KANSL1: variants seen among roughly 807,000 people sequenced by gnomAD.
KANSL1 encodes the protein KAT8 regulatory NSL complex subunit 1, also known as MLL1/MLL complex subunit KANSL1.
KANSL1 carries 22 observed loss-of-function variants against 103.6 expected under a neutral mutation model. The ratio of observed to expected loss-of-function variants is 0.21; its 90% CI spans 0.15 to 0.30. The LOEUF (loss-of-function observed/expected upper bound fraction) is 0.30, where lower values mean the gene tolerates loss of function less well. KANSL1 is among the 10% of genes least tolerant of loss of function. KANSL1 has a pLI of 1.00. For synonymous variants in KANSL1, 600 were observed against 527.6 expected (o/e 1.14, Z -1.88); for missense variants, 1,337 against 1,399.8 (o/e 0.96, Z 0.72).
intron 2 of KANSL1, among the ~76,000 whole-genome samples, chr17:46,147,510 G>A (rs1242874710): frequency 4.0e-5 from 6 of 151,376 alleles, no homozygotes; most frequent in African/African-American, 1.2e-4. Flanking sequence ...GGAGGCAGAG[G>A]GTGTAGTGGG....
chr17:46,133,865 T>G (rs1211028484), intron 2 of KANSL1, among the ~76,000 whole-genome samples: 1 of 152,216 alleles, frequency 6.6e-6, no homozygotes, highest in Non-Finnish European at 1.5e-5. Context: ...GGATATCAAT[T>G]ATCAATTATT....
intron 2 of KANSL1, among the ~76,000 whole-genome samples, chr17:46,125,495 A>C (rs1455293352): frequency 6.6e-6 from 1 of 152,200 alleles, no homozygotes; most frequent in Non-Finnish European, 1.5e-5. Context: ...TCATACAAAT[A>C]AAGGCACTCC....
rs529236624 is a variant in KANSL1 at position 46,160,981 on chromosome 17, T to C, written c.1289+9874A>G. ...AAAATTAAAATTATCTATCTCATTG[T>C]ACTGTTGGAGGATTACATAAATTAA... is the stretch of plus-strand genomic sequence containing the variant. On this transcript the variant is annotated intron_variant, in intron 2 of 14. Coordinates refer to ENST00000432791, the MANE Select transcript of KANSL1 (RefSeq NM_015443.4). 5.9e-5 allele frequency among the ~76,000 whole-genome samples: 9 copies of C among 152,350 alleles called. No homozygotes were observed. The South Asian group carries it at 1.9e-3, about 32-fold the overall frequency.
intron 1 of KANSL1, among the ~76,000 whole-genome samples, chr17:46,183,564 AGGAGAG>A: frequency 9.2e-6 from 1 of 109,154 alleles, no homozygotes; most frequent in South Asian, 2.5e-4. Flanking sequence ...AGGAGAGGGG[AGGAGAG>A]AGGAGAGAGG....
intron 2 of KANSL1, among the ~76,000 whole-genome samples, chr17:46,166,680 A>G (rs2046018485): frequency 6.6e-6 from 1 of 152,222 alleles, no homozygotes; most frequent in South Asian, 2.1e-4. Context: ...AGGTTAGCAT[A>G]AATTCAACCA....
intron 1 of KANSL1, among the ~76,000 whole-genome samples, chr17:46,177,115 TC>T (rs1279015698): frequency 6.6e-6 from 1 of 152,226 alleles, no homozygotes; most frequent in Non-Finnish European, 1.5e-5. Flanking sequence ...TGGCTCCACC[TC>T]CTGTAGGTTA....
chr17:46,191,856 T>C (rs1035298205), intron 1 of KANSL1, among the ~76,000 whole-genome samples: 1 of 152,120 alleles, frequency 6.6e-6, no homozygotes, highest in Non-Finnish European at 1.5e-5. Flanking sequence ...GAAGAGAGAT[T>C]TCTCGGAACT....
chr17:46,105,189 T>C (rs1235086528), intron 2 of KANSL1, among the ~76,000 whole-genome samples: 1 of 152,254 alleles, frequency 6.6e-6, no homozygotes, highest in African/African-American at 2.4e-5. Context: ...AGGCTCTCAG[T>C]TATTCAAAGT....
chr17:46,044,103 C>A (rs41399444), intron 7 of KANSL1: 11 of 151,564 alleles, frequency 7.3e-5, no homozygotes, highest in African/African-American at 2.2e-4. Context: ...AGACTGGATA[C>A]GGGACCTGAA....
chr17:46,081,042 G>A (rs887217399), intron 4 of KANSL1, among the ~76,000 whole-genome samples: 3 of 152,132 alleles, frequency 2.0e-5, no homozygotes, highest in Non-Finnish European at 4.4e-5. Flanking sequence ...AGCTCCTAAA[G>A]AGTGTGTGTG....
intron 2 of KANSL1, among the ~76,000 whole-genome samples, chr17:46,137,679 T>C (rs1918802): frequency 0.14 from 21,931 of 151,886 alleles, 2,137 homozygotes; most frequent in Non-Finnish European, 0.22. Context: ...ATCGAGATCA[T>C]GGTGAAACCC....
At chr17:46,108,557 T>C (rs977060327) in intron 2 of KANSL1, among the ~76,000 whole-genome samples, 22 of 152,186 alleles carry the variant, frequency 1.4e-4, no homozygotes, top group African/African-American at 5.1e-4. Context: ...TAGAATCATA[T>C]CCGGAAAACA....
intron 7 of KANSL1, among the ~76,000 whole-genome samples, chr17:46,048,500 G>A (rs1037513394): frequency 6.6e-6 from 1 of 152,080 alleles, no homozygotes; most frequent in African/African-American, 2.4e-5. Flanking sequence ...CCAGGAGGTG[G>A]GGGCTGCAGT....
intron 2 of KANSL1, among the ~76,000 whole-genome samples, 169 bp from the exon 3 acceptor site, chr17:46,094,870 G>A (rs932499880): frequency 5.9e-5 from 9 of 152,122 alleles, no homozygotes; most frequent in African/African-American, 1.7e-4. Context: ...GGATGCACAT[G>A]GATATAAACT....
At chr17:46,151,300 C>T (rs2045088087) in intron 2 of KANSL1, among the ~76,000 whole-genome samples, 1 of 152,216 alleles carries the variant, frequency 6.6e-6, no homozygotes, top group African/African-American at 2.4e-5. Flanking sequence ...ATCCAACAAA[C>T]CGGGCTCAGT....
chr17:46,107,663 C>T (rs944850413), intron 2 of KANSL1, among the ~76,000 whole-genome samples: 6 of 152,322 alleles, frequency 3.9e-5, no homozygotes, highest in African/African-American at 1.2e-4. Context: ...ATTCCTACCT[C>T]GAGCTGAAAT....
intron 6 of KANSL1, among the ~76,000 whole-genome samples, chr17:46,058,185 C>T (rs1161744775): frequency 6.6e-6 from 1 of 152,168 alleles, no homozygotes; most frequent in Non-Finnish European, 1.5e-5. Flanking sequence ...ATAAGATCCC[C>T]CTGAGTGTTT....
intron 2 of KANSL1, chr17:46,170,464 G>C (rs1366892129): frequency 4.4e-6 from 1 of 227,818 alleles, no homozygotes; most frequent in Non-Finnish European, 8.1e-6. Context: ...GGTCAACTCA[G>C]CATTTGTCCC....
chr17:46,119,162 T>A (rs1468239), intron 2 of KANSL1, among the ~76,000 whole-genome samples: 16 of 152,222 alleles, frequency 1.1e-4, no homozygotes, highest in Non-Finnish European at 1.9e-4. Flanking sequence ...ATTTCATCAT[T>A]ATAACAACTC....
Sources: allele counts gnomAD v4.1 joint callset (sites outside exome capture counted in the v4.1 genomes callset), GRCh38; gene constraint gnomAD v4.1.1; transcripts MANE v1.5; gene names NCBI Gene and HGNC (gene_info 2026-07-23, HGNC 2026-07-21).